HSP90AA1: variants seen among roughly 807,000 people sequenced by gnomAD.
HSP90AA1 encodes the protein heat shock protein 90 alpha family class A member 1, also known as heat shock protein HSP 90-alpha.
HSP90AA1 carries 18 observed loss-of-function variants against 73.3 expected under a neutral mutation model. That is an observed-to-expected ratio of 0.25 (90% CI 0.17 to 0.36). HSP90AA1 has a LOEUF of 0.36. Ranked by LOEUF, HSP90AA1 falls within the 10% of genes least tolerant of loss-of-function variation. The pLI, the probability that HSP90AA1 is intolerant of heterozygous loss-of-function variation, is 1.00. For synonymous variants in HSP90AA1, 477 were observed against 296.9 expected (o/e 1.61, Z -6.24); for missense variants, 704 against 874.2 (o/e 0.81, Z 2.45).
upstream of HSP90AA1, among the ~76,000 whole-genome samples, chr14:102,087,905 CTT>C (rs1255178872): frequency 1.4e-5 from 2 of 146,824 alleles, no homozygotes; most frequent in Non-Finnish European, 3.0e-5. Context: ...GTATCTAACA[CTT>C]TGGTGATTAA....
chr14:102,106,458 A>G (rs975894299), intron 1 of HSP90AA1, among the ~76,000 whole-genome samples: 7 of 152,264 alleles, frequency 4.6e-5, no homozygotes, highest in African/African-American at 1.7e-4. Flanking sequence ...TTATGCAATC[A>G]TGAATAATCA....
At chr14:102,107,064 G>C (rs1216865495) in intron 1 of HSP90AA1, among the ~76,000 whole-genome samples, 1 of 152,070 alleles carries the variant, frequency 6.6e-6, no homozygotes, top group African/African-American at 2.4e-5. Context: ...ATGATATACA[G>C]TGATACTGAG....
At position 102,084,823 on chromosome 14, in the gene HSP90AA1, ATCTTCTTCT is replaced by A. The variant is rs747755226; in HGVS notation, c.830_838del (p.Lys277_Lys279del). 2 of 1,605,516 alleles carry A rather than the reference ATCTTCTTCT, an allele frequency of 1.2e-6. No homozygotes were observed. Among genetic ancestry groups the A allele is most frequent in the Non-Finnish European group, 1.7e-6 (2 of 1,172,806 alleles). On this transcript the variant is annotated inframe_deletion, in exon 5 of 11. Transcript: ENST00000216281. The stretch of plus-strand genomic sequence containing the variant: ...TTCTTGATCGATGTACTTTTCCTTA[ATCTTCTTCT>A]TCTTCTTCTTGTCACCATCCTTCTT...
At chr14:102,129,108 TATAG>T (rs1228342651) in intron 1 of HSP90AA1, among the ~76,000 whole-genome samples, 1 of 151,194 alleles carries the variant, frequency 6.6e-6, no homozygotes, top group Non-Finnish European at 1.5e-5. Flanking sequence ...AATTGAGCAC[TATAG>T]ATAGAGTGGC....
chr14:102,080,993 T>C lies in HSP90AA1; in HGVS notation c.*719A>G. ...CGCCTCATGTTTTACATTTTGGCAC[T>C]AACTGTCATCCAGATACTCCCCTTT... On this transcript the variant is annotated 3_prime_UTR_variant, in exon 11 of 11. Coordinates refer to ENST00000216281, the MANE Select transcript of HSP90AA1 (RefSeq NM_005348.4). 4.6e-6 allele frequency: 1 copy of C among 217,410 alleles called. No individual in the cohort carries two copies. The highest frequency in any genetic ancestry group is 6.3e-5 in the East Asian group (1 of 15,854). The allele number at this position is 217,410 out of a possible 1,614,324, so 13.5% of individuals were successfully genotyped here.
At chr14:102,088,307 C>T (rs889362380), upstream of HSP90AA1, among the ~76,000 whole-genome samples, 4 of 152,180 alleles carry the variant, frequency 2.6e-5, no homozygotes, top group African/African-American at 9.7e-5. Flanking sequence ...CTCTTTGTCT[C>T]TGGCGCCTCC....
At position 102,081,810 on chromosome 14, in the gene HSP90AA1, C is replaced by T. The variant is rs1278224727; in HGVS notation, c.2101G>A (p.Asp701Asn). The part of the protein sequence containing the change: ...MIKLGLGIDE[D>N]DPTADDTSAA... The stretch of plus-strand genomic sequence containing the variant: ...CTGGTATCATCAGCAGTAGGGTCAT[C>T]TTCATCAATACCTGTTTCCAAAATA... The change falls in exon 11 of 11, where the codon GAT (aspartate) becomes AAT (asparagine). Residue 701 changes from aspartate (D) to asparagine (N), a missense_variant. Transcript: ENST00000216281. 1 of 1,486,350 alleles carries T rather than the reference C, an allele frequency of 6.7e-7. No homozygotes were observed. The highest frequency in any genetic ancestry group is 1.7e-5 in the Admixed American group (1 of 59,834). The allele number at this position is 1,486,350 out of a possible 1,614,324, so 92.1% of individuals were successfully genotyped here. A position where few individuals can be genotyped will look rare whatever the true frequency, so the allele number is the denominator to read the frequency against.
rs758205557 is a variant in HSP90AA1, at chr14:102,084,663, C to A, written c.981+18G>T. On this transcript the variant is annotated intron_variant, in intron 5 of 10. Transcript: ENST00000216281. The stretch of plus-strand genomic sequence containing the variant: ...TGATAATCTAAGGACAAGCTTGAAG[C>A]ACCCATCAGTCACTCACCTTCACTG... 1.7e-5 allele frequency: 28 copies of A among 1,613,716 alleles called. No individual in the cohort carries two copies. The Admixed American group carries it at 4.0e-4, about 23-fold the overall frequency.
intron 10 of HSP90AA1, 91 bp from the exon 11 acceptor site, chr14:102,081,912 G>A (rs2049108996): frequency 1.2e-6 from 1 of 809,168 alleles, no homozygotes; most frequent in Non-Finnish European, 2.2e-6. Context: ...TTTCAAGACA[G>A]TATTACAGGA....
chr14:102,123,853 T>C (rs1411906445), intron 1 of HSP90AA1, among the ~76,000 whole-genome samples: 1 of 151,958 alleles, frequency 6.6e-6, no homozygotes, highest in Non-Finnish European at 1.5e-5. Context: ...TAGGCTGGAG[T>C]GCAGGGGTGT....
Position 102,084,664 on chromosome 14 carries a change from A to T in HSP90AA1, c.981+17T>A, listed in dbSNP as rs1422201584. 1.2e-6 allele frequency: 2 copies of T among 1,613,894 alleles called. No homozygotes were observed. Among genetic ancestry groups the T allele is most frequent in the African/African-American group, 1.3e-5 (1 of 74,996 alleles). ...GATAATCTAAGGACAAGCTTGAAGC[A>T]CCCATCAGTCACTCACCTTCACTGC... On this transcript the variant is annotated intron_variant, in intron 5 of 10. Coordinates refer to ENST00000216281, the MANE Select transcript of HSP90AA1 (RefSeq NM_005348.4).
At chr14:102,083,378 A>C in intron 8 of HSP90AA1, 76 bp from the exon 9 acceptor site, 1 of 1,538,262 alleles carries the variant, frequency 6.5e-7, no homozygotes, top group Non-Finnish European at 9.0e-7. Context: ...TTTTCTTGCT[A>C]GCCAGATACC....
upstream of HSP90AA1, among the ~76,000 whole-genome samples, chr14:102,091,191 G>A (rs1353883586): frequency 6.6e-6 from 1 of 152,192 alleles, no homozygotes; most frequent in African/African-American, 2.4e-5. Flanking sequence ...CGACTCTGAA[G>A]TAGGTGTCTT....
intron 1 of HSP90AA1, among the ~76,000 whole-genome samples, chr14:102,123,497 A>AT (rs2049803770): frequency 6.6e-6 from 1 of 151,046 alleles, no homozygotes; most frequent in African/African-American, 2.4e-5. Flanking sequence ...TTTCTTCAGA[A>AT]TTTAAGAGTG....
chr14:102,127,053 T>A (rs377309650), intron 1 of HSP90AA1, among the ~76,000 whole-genome samples: 22 of 132,236 alleles, frequency 1.7e-4, no homozygotes, highest in Non-Finnish European at 2.5e-4. Context: ...TTTTTTTTTT[T>A]AAATCACCTC....
At chr14:102,110,455 T>C (rs1016365820) in intron 1 of HSP90AA1, among the ~76,000 whole-genome samples, 1 of 152,062 alleles carries the variant, frequency 6.6e-6, no homozygotes, top group Admixed American at 6.6e-5. Context: ...AGTTTCACTC[T>C]GTTGCCCAGG....
In HSP90AA1 at chr14:102,081,731, C is replaced by A. The variant is rs778338593; in HGVS notation, c.2180G>T (p.Arg727Leu). 6.5e-7 allele frequency: 1 copy of A among 1,536,990 alleles called. No individual in the cohort carries two copies. Among genetic ancestry groups the A allele is most frequent in the Admixed American group, 1.7e-5 (1 of 59,902 alleles). The change falls in exon 11 of 11, where the codon CGC becomes CTC. Residue 727 changes from arginine to leucine, a missense_variant. Transcript: ENST00000216281. ...CAGAGATTAGTCTACTTCTTCCATG[C>A]GTGATGTGTCGTCATCTCCTTCAAG... ...PPLEGDDDTS[R>L]MEEVD
intron 1 of HSP90AA1, among the ~76,000 whole-genome samples, chr14:102,121,056 A>G (rs974028369): frequency 2.0e-5 from 3 of 151,750 alleles, no homozygotes; most frequent in Non-Finnish European, 4.4e-5. Context: ...AAGTTGAGAC[A>G]GGGTCTTGCT....
At position 102,084,708 on chromosome 14, in the gene HSP90AA1, A is replaced by G. The variant is rs1315863788; in HGVS notation, c.954T>C (p.Asn318=). 1 of 1,613,924 alleles carries G rather than the reference A, an allele frequency of 6.2e-7. No individual in the cohort carries two copies. Among genetic ancestry groups the G allele is most frequent in the Non-Finnish European group, 8.5e-7 (1 of 1,179,898 alleles). ...EYGEFYKSLT[N]DWEDHLAVKH... ...TCACTGCCAAGTGATCTTCCCAGTC[A>G]TTGGTCAAGCTCTTATAGAATTCTC... Residue 318 remains asparagine (N), a synonymous_variant, in exon 5 of 11, where the codon AAT becomes AAC. Transcript: ENST00000216281.
Sources: allele counts gnomAD v4.1 joint callset (sites outside exome capture counted in the v4.1 genomes callset), GRCh38; gene constraint gnomAD v4.1.1; transcripts MANE v1.5; gene names NCBI Gene and HGNC (gene_info 2026-07-23, HGNC 2026-07-21).